The following DNAH9 variants were observed in gnomAD, a reference collection of about 807,000 sequenced individuals.
DNAH9 encodes the protein DNAH9 variant protein.
Under a neutral mutation model 471.6 loss-of-function variants are expected in DNAH9, and 345 were observed. That is an observed-to-expected ratio of 0.73 (90% CI 0.67 to 0.80). DNAH9 has a LOEUF of 0.80. Ranked by LOEUF, DNAH9 falls within the 30% of genes least tolerant of loss-of-function variation. DNAH9 has a pLI of 0.00. For missense variants in DNAH9, 5,407 were observed against 5,609.2 expected, an observed-to-expected ratio of 0.96 and a Z score of 1.15; for synonymous variants, 2,093 against 2,123.6, an observed-to-expected ratio of 0.99 and a Z score of 0.40.
At position 11,834,740 on chromosome 17, in the gene DNAH9, A is replaced by C; in HGVS notation, c.9349A>C (p.Lys3117Gln). ...TCAGGTCGTGGGTGTGGAGACTGAC[A>C]AAGTGAGCAGAGAGAAAGCCATGGC... ...LIQVVGVETD[K>Q]VSREKAMADE... The change falls in exon 49 of 69, where the codon AAA becomes CAA. Residue 3117 changes from lysine to glutamine, a missense_variant. Around this residue, in one of 3 missense-constraint regions of DNAH9, gnomAD observed 4,636 missense variants for 4,900.3 expected, o/e 0.95. Transcript: ENST00000262442. The C allele has an allele frequency of 6.2e-7, 1 of 1,614,120 alleles. No individual in the cohort carries two copies. Among genetic ancestry groups the C allele is most frequent in the African/African-American group, 1.3e-5 (1 of 75,060 alleles).
At chr17:11,900,994 A>G (rs753798517) in intron 59 of DNAH9, among the ~76,000 whole-genome samples, 4 of 152,228 alleles carry the variant, frequency 2.6e-5, no homozygotes, top group Non-Finnish European at 5.9e-5. Flanking sequence ...TGCTACATAC[A>G]TACTAAGAGG....
chr17:11,874,333 G>T (rs1158536696), intron 52 of DNAH9, among the ~76,000 whole-genome samples: 1 of 152,014 alleles, frequency 6.6e-6, no homozygotes, highest in African/African-American at 2.4e-5. Flanking sequence ...GCCCTGAAGG[G>T]GCCTAAGAGA....
intron 45 of DNAH9, among the ~76,000 whole-genome samples, chr17:11,820,397 T>G (rs1970265735): frequency 6.7e-6 from 1 of 150,230 alleles, no homozygotes; most frequent in African/African-American, 2.5e-5. Flanking sequence ...TTCAGATTTT[T>G]GCCAATCTGA....
rs760961531 is a variant in DNAH9 at position 11,883,576 on chromosome 17, A to C, written c.10807-10A>C. 1.9e-6 allele frequency: 3 copies of C among 1,613,766 alleles called. No individual in the cohort carries two copies. The highest frequency in any genetic ancestry group is 2.5e-6 in the Non-Finnish European group (3 of 1,179,788). On this transcript the variant is annotated splice_polypyrimidine_tract_variant and intron_variant, in intron 55 of 68. Transcript: ENST00000262442. ...TCTGCACCTGACTGTCTCTTGCTTG[A>C]TATTTGCAGTCCGATCTCACAAAGC...
intron 61 of DNAH9, among the ~76,000 whole-genome samples, chr17:11,908,035 A>T (rs938394960): frequency 2.6e-5 from 4 of 152,170 alleles, no homozygotes; most frequent in African/African-American, 9.7e-5. Context: ...TTTGGCACTG[A>T]AGCATCACAG....
rs369534609 is a variant in DNAH9 at position 11,932,234 on chromosome 17, C to A, written c.12297+29C>A. On this transcript the variant is annotated intron_variant, in intron 64 of 68. Coordinates refer to ENST00000262442, the MANE Select transcript of DNAH9 (RefSeq NM_001372.4). The surrounding 1 kb of genome is among the most constrained non-coding windows in gnomAD (Gnocchi z 4.3). ...AAGGCCATGGACATTCAGGGACCAG[C>A]CAGGTTGGGAGAGGGTTAAAATTAT... The A allele has an allele frequency of 7.5e-6, 12 of 1,603,754 alleles. No individual in the cohort carries two copies. The African/African-American group carries it at 1.6e-4, about 22-fold the overall frequency.
chr17:11,893,947 ACTTCT>A (rs1378090240), intron 58 of DNAH9, among the ~76,000 whole-genome samples: 1 of 152,174 alleles, frequency 6.6e-6, no homozygotes, highest in African/African-American at 2.4e-5. Flanking sequence ...CTTGCTGGTA[ACTTCT>A]CTACTCTGTA....
rs113496994 is a variant in DNAH9, at chr17:11,719,520, G to A, written c.5709+30G>A. ...AGTTCCACCCGGCTTCCTGGGGGTG[G>A]GGGTGGGGGATAGGAACTCAGGGCA... On this transcript the variant is annotated intron_variant, in intron 27 of 68. Coordinates refer to ENST00000262442, the MANE Select transcript of DNAH9 (RefSeq NM_001372.4). 3.7e-3 allele frequency: 5,943 copies of A among 1,591,242 alleles called. 17 individuals are homozygous for A. Among genetic ancestry groups the A allele is most frequent in the Middle Eastern group, 7.9e-3 (47 of 5,958 alleles).
chr17:11,866,679 G>C (rs1025792549), intron 50 of DNAH9, among the ~76,000 whole-genome samples: 5 of 152,210 alleles, frequency 3.3e-5, no homozygotes, highest in Non-Finnish European at 7.3e-5. Context: ...CCACCCAGTT[G>C]GAGCTTTCCA....
intron 10 of DNAH9, among the ~76,000 whole-genome samples, chr17:11,644,294 T>C (rs2073336709): frequency 6.6e-6 from 1 of 152,186 alleles, no homozygotes; most frequent in Admixed American, 6.5e-5. Context: ...GCACCTAGAA[T>C]TTTTTCATAT....
chr17:11,598,667 C>T lies in DNAH9; in HGVS notation c.169C>T (p.Gln57Ter), dbSNP rs2072312485. Residue 57 changes from glutamine to a stop codon, truncating the protein, a stop_gained, in exon 1 of 69, where the codon CAG becomes TAG. Coordinates refer to ENST00000262442, the MANE Select transcript of DNAH9 (RefSeq NM_001372.4). LOFTEE classifies it high-confidence loss of function. ...GAGTGCTGAGGCGGAGCAGCTGCTC[C>T]AGGCCTTCCTGGGCCGCGATGCTGC... ...AGSAEAEQLL[Q>*]AFLGRDAAEG... 1.5e-6 allele frequency: 2 copies of T among 1,363,002 alleles called. No homozygotes were observed. The highest frequency in any genetic ancestry group is 1.5e-5 in the African/African-American group (1 of 65,014). The allele number at this position is 1,363,002 out of a possible 1,614,324, so 84.4% of individuals were successfully genotyped here. A position where few individuals can be genotyped will look rare whatever the true frequency, so the allele number is the denominator to read the frequency against.
At chr17:11,734,279 C>T (rs2075311734) in intron 28 of DNAH9, among the ~76,000 whole-genome samples, 1 of 152,148 alleles carries the variant, frequency 6.6e-6, no homozygotes, top group South Asian at 2.1e-4. Flanking sequence ...GGGACTGTGC[C>T]GCTCTGGCAC....
rs145738103 is a variant in DNAH9, at chr17:11,875,166, C to T, written c.10460C>T (p.Thr3487Met). The change falls in exon 53 of 69, where the codon ACG becomes ATG. Residue 3487 changes from threonine (T) to methionine (M), a missense_variant. This residue lies in a region of DNAH9 where 4,636 missense variants were observed against 4,900.3 expected (regional missense o/e 0.95). Coordinates refer to ENST00000262442, the MANE Select transcript of DNAH9 (RefSeq NM_001372.4). ...AAATATGGTGAAGATCTCCGGGTCA[C>T]GCAGATTGGTCAGAAAGGGTAAGTG... ...KNKYGEDLRVTQIGQKGYLQI... is the reference protein window; with the variant it reads ...KNKYGEDLRVMQIGQKGYLQI... 254 of 1,612,116 alleles carry T rather than the reference C, an allele frequency of 1.6e-4. 3 individuals carry two copies. The African/African-American group carries it at 2.7e-3, about 17-fold the overall frequency.
At chr17:11,665,866 C>T (rs1437462837) in intron 15 of DNAH9, among the ~76,000 whole-genome samples, 1 of 152,184 alleles carries the variant, frequency 6.6e-6, no homozygotes, top group Non-Finnish European at 1.5e-5. Context: ...GTCCAGATAT[C>T]CAGCCCATAA....
chr17:11,646,449 A>G (rs1307489361), intron 11 of DNAH9, among the ~76,000 whole-genome samples: 2 of 152,194 alleles, frequency 1.3e-5, no homozygotes, highest in African/African-American at 2.4e-5. Context: ...TCAGTGTGTC[A>G]TGACTGAATG....
chr17:11,729,201 C>G (rs771513804), intron 28 of DNAH9, among the ~76,000 whole-genome samples: 15 of 152,122 alleles, frequency 9.9e-5, no homozygotes, highest in Non-Finnish European at 1.9e-4. Context: ...CTTACTGCAG[C>G]TGCACAGGCT....
In DNAH9 at chr17:11,886,923, C is replaced by A; in HGVS notation, c.11070C>A (p.Asn3690Lys). The A allele has an allele frequency of 6.2e-7, 1 of 1,612,928 alleles. No individual in the cohort carries two copies. The highest frequency in any genetic ancestry group is 8.5e-7 in the Non-Finnish European group (1 of 1,179,534). Reference sequence around the variant, plus strand: ...CCTCACTGCTCTACTTCATCATGAACGACCTCAGCAAGATCCATCCAATGT... The same window carrying A: ...CCTCACTGCTCTACTTCATCATGAAAGACCTCAGCAAGATCCATCCAATGT... ...ARASLLYFIM[N>K]DLSKIHPMYQ... is the part of the protein sequence containing the mutation. The change falls in exon 57 of 69, where the codon AAC (asparagine) becomes AAA (lysine). Residue 3690 changes from asparagine (N) to lysine (K), a missense_variant. Physicochemically the swap from Asn to Lys is moderately conservative, Grantham distance 94 (BLOSUM62 0). Coordinates refer to ENST00000262442, the MANE Select transcript of DNAH9 (RefSeq NM_001372.4).
intron 45 of DNAH9, among the ~76,000 whole-genome samples, chr17:11,820,213 G>C (rs915850493): frequency 6.6e-6 from 1 of 151,562 alleles, no homozygotes; most frequent in East Asian, 1.9e-4. Context: ...TATTTTCATA[G>C]TTTTTTTTCT....
chr17:11,684,034 T>G (rs1221409917), intron 19 of DNAH9, among the ~76,000 whole-genome samples: 1 of 152,228 alleles, frequency 6.6e-6, no homozygotes, highest in Non-Finnish European at 1.5e-5. Context: ...GTTTCTCCAC[T>G]GTTAAGTTAT....
Sources: allele counts gnomAD v4.1 joint callset (sites outside exome capture counted in the v4.1 genomes callset), GRCh38; gene constraint gnomAD v4.1.1; regional missense constraint gnomAD v4.1.1; non-coding constraint Gnocchi (gnomAD v3.1); transcripts MANE v1.5; gene names NCBI Gene and HGNC (gene_info 2026-07-23, HGNC 2026-07-21).